The following ABCA7 variants were observed in gnomAD, a reference collection of about 807,000 sequenced individuals.
ABCA7 encodes phospholipid-transporting ATPase ABCA7.
ABCA7 carries 261 observed loss-of-function variants against 227.6 expected under a neutral mutation model. The observed-to-expected ratio is 1.15, with a 90% CI of 1.04 to 1.27. ABCA7 has a LOEUF of 1.27. Among genes scored for constraint, ABCA7 ranks in the 50% most tolerant of loss-of-function variants. The pLI is 0.00. For synonymous variants in ABCA7, 1,488 were observed against 1,279.7 expected, an observed-to-expected ratio of 1.16 and a Z score of -3.47; for missense variants, 3,331 against 2,924.5, an observed-to-expected ratio of 1.14 and a Z score of -3.21.
At position 1,052,279 on chromosome 19, in the gene ABCA7, C is replaced by T. The variant is rs757222989; in HGVS notation, c.3213C>T (p.Ser1071=). ...RQEKKNGSQG[S]RVGTPQLLAL... is the part of the protein sequence containing the mutation. ...AAAAGAAGAATGGCAGCCAGGGCAG[C>T]AGAGTCGGTGAGGGCCGGGGTGGGA... is the stretch of plus-strand genomic sequence containing the variant. The change falls in exon 23 of 47, where the codon AGC becomes AGT. Residue 1071 remains serine, a synonymous_variant. Coordinates refer to ENST00000263094, the MANE Select transcript of ABCA7 (RefSeq NM_019112.4). 9.8e-6 allele frequency: 15 copies of T among 1,535,808 alleles called. No homozygotes were observed. The South Asian group carries it at 1.3e-4, about 14-fold the overall frequency.
chr19:1,042,298 G>C lies in ABCA7; in HGVS notation c.416-17G>C, dbSNP rs760814675. 6.4e-7 allele frequency: 1 copy of C among 1,574,466 alleles called. No homozygotes were observed. The highest frequency in any genetic ancestry group is 1.2e-5 in the South Asian group (1 of 86,134). On this transcript the variant is annotated splice_polypyrimidine_tract_variant and intron_variant, in intron 5 of 46. Coordinates refer to ENST00000263094, the MANE Select transcript of ABCA7 (RefSeq NM_019112.4). ...AACGTCCCCCCAGCCCCATGCTCCC[G>C]TGCGCTCCTCCCCCAGCCCAGCCTC...
rs771494956 is a variant in ABCA7, at chr19:1,043,053, C to T, written c.592C>T (p.Arg198Cys). Residue 198 changes from arginine (R) to cysteine (C), a missense_variant, in exon 8 of 47, where the codon CGC becomes TGC. Physicochemically the swap from Arg to Cys is radical, Grantham distance 180. Transcript: ENST00000263094. ...AACCTCTCTCTAGCTCCTGGCGCTG[C>T]GCAGCCTGGTGGAGCTTCGGGCACT... is the stretch of plus-strand genomic sequence containing the variant. The part of the protein sequence containing the change: ...EDLAQELLAL[R>C]SLVELRALLQ... 4.7e-5 allele frequency: 76 copies of T among 1,604,246 alleles called. No homozygotes were observed. In the Admixed American group the frequency reaches 6.4e-4, roughly 13 times the overall value.
At chr19:1,064,044 G>A (rs1568430254) in intron 44 of ABCA7, 117 bp from the exon 45 acceptor site, 2 of 1,343,318 alleles carry the variant, frequency 1.5e-6, no homozygotes, top group South Asian at 2.9e-5. Flanking sequence ...ACGGTCTGGG[G>A]AAGAGTGGGG....
At chr19:1,064,594 G>A (rs185598371) in intron 45 of ABCA7, 2 of 488,866 alleles carry the variant, frequency 4.1e-6, no homozygotes, top group East Asian at 7.1e-5. Flanking sequence ...AAAGTGGGGC[G>A]GGGGTATTTA....
Position 1,063,540 on chromosome 19 carries a change from A to G in ABCA7, c.5713-4A>G, listed in dbSNP as rs986494072. ...CCCATGCCTACTCTGGCCCCACCCC[A>G]CAGACCGCTGGCTCGGGCCTGGCGC... On this transcript the variant is annotated splice_polypyrimidine_tract_variant and splice_region_variant and intron_variant, in intron 42 of 46. Coordinates refer to ENST00000263094, the MANE Select transcript of ABCA7 (RefSeq NM_019112.4). 27 of 1,609,840 alleles carry G rather than the reference A, an allele frequency of 1.7e-5. No individual in the cohort carries two copies. Among genetic ancestry groups the G allele is most frequent in the South Asian group, 1.1e-5 (1 of 91,056 alleles).
intron 40 of ABCA7, among the ~76,000 whole-genome samples, chr19:1,061,327 G>A (rs182827052): frequency 6.6e-6 from 1 of 150,760 alleles, no homozygotes; most frequent in Non-Finnish European, 1.5e-5. Flanking sequence ...AACCCAGGAG[G>A]TGGAGGTTGC....
intron 20 of ABCA7, 67 bp downstream of exon 20, chr19:1,051,361 G>A: frequency 1.9e-6 from 3 of 1,587,902 alleles, no homozygotes; most frequent in Non-Finnish European, 2.6e-6. Context: ...GAAGGCAGGG[G>A]GAAGCCGGGT....
chr19:1,043,767 C>T lies in ABCA7; in HGVS notation c.973C>T (p.Arg325Trp), dbSNP rs141983399. 1.3e-5 allele frequency: 21 copies of T among 1,612,782 alleles called. No homozygotes were observed. Among genetic ancestry groups the T allele is most frequent in the South Asian group, 1.1e-4 (10 of 91,068 alleles). The change falls in exon 10 of 47, where the codon CGG (arginine) becomes TGG (tryptophan). Residue 325 changes from arginine (R) to tryptophan (W), a missense_variant. Coordinates refer to ENST00000263094, the MANE Select transcript of ABCA7 (RefSeq NM_019112.4). Reference protein sequence around the residue: ...FEELTLLRDVREVWEMLGPRI... With the variant: ...FEELTLLRDVWEVWEMLGPRI... ...GGAGCTCACCCTGCTGAGGGATGTC[C>T]GGGAGGTGTGGGAGATGCTGGGACC...
In ABCA7 at chr19:1,053,314, C is replaced by T. The variant is rs1354003193; in HGVS notation, c.3221-15C>T. On this transcript the variant is annotated splice_polypyrimidine_tract_variant and intron_variant, in intron 23 of 46. Coordinates refer to ENST00000263094, the MANE Select transcript of ABCA7 (RefSeq NM_019112.4). ...GTGAGCCGGGGCTCCCTGAAGCACC[C>T]CTTTGTCCACACAGGCACTCCTCAG... is the stretch of plus-strand genomic sequence containing the variant. The T allele has an allele frequency of 1.2e-6, 2 of 1,604,770 alleles. No individual in the cohort carries two copies. The highest frequency in any genetic ancestry group is 2.7e-5 in the African/African-American group (2 of 74,778).
intron 12 of ABCA7, 113 bp from the exon 13 acceptor site, chr19:1,046,117 C>T: frequency 8.0e-7 from 1 of 1,244,364 alleles, no homozygotes; most frequent in East Asian, 2.4e-5. Context: ...TGCAGCTCTT[C>T]ACTCCAGCCT....
At chr19:1,041,727 G>C in intron 3 of ABCA7, 104 bp from the exon 4 acceptor site, 3 of 1,584,006 alleles carry the variant, frequency 1.9e-6, no homozygotes. Flanking sequence ...TGGCATGGGA[G>C]TGAGCTCTCC....
chr19:1,049,937 C>T (rs1234764555), intron 18 of ABCA7, among the ~76,000 whole-genome samples: 1 of 75,536 alleles, frequency 1.3e-5, no homozygotes, highest in Admixed American at 1.2e-4. Context: ...TCCCCCACCA[C>T]TCCCTCCCTG....
intron 1 of ABCA7, among the ~76,000 whole-genome samples, chr19:1,040,563 C>G (rs1203523977): frequency 6.6e-6 from 1 of 152,202 alleles, no homozygotes; most frequent in Non-Finnish European, 1.5e-5. Context: ...GCCTGGTCAC[C>G]TTTAGCAACT....
At chr19:1,049,033 G>T in intron 17 of ABCA7, 28 bp downstream of exon 17, 1 of 1,374,632 alleles carries the variant, frequency 7.3e-7, no homozygotes, top group Non-Finnish European at 1.0e-6. Context: ...TTAATAGCTG[G>T]TTGTCCACAT....
chr19:1,048,792 G>A (rs762409462), intron 16 of ABCA7, 103 bp from the exon 17 acceptor site: 79 of 610,084 alleles, frequency 1.3e-4, no homozygotes, highest in Non-Finnish European at 2.1e-4. Context: ...CTGGGCAACA[G>A]AGCAAGACTC....
intron 15 of ABCA7, 31 bp downstream of exon 15, chr19:1,047,409 C>T (rs879889484): frequency 2.6e-6 from 4 of 1,545,040 alleles, no homozygotes; most frequent in East Asian, 2.4e-5. Context: ...GGATGGGGGA[C>T]GCCCCCCGCT....
chr19:1,056,944 G>A lies in ABCA7; in HGVS notation c.4624G>A (p.Val1542Met). The A allele has an allele frequency of 6.2e-7, 1 of 1,614,038 alleles. No homozygotes were observed. The highest frequency in any genetic ancestry group is 8.5e-7 in the Non-Finnish European group (1 of 1,179,988). ...GGTGGACGTCCTCGTCTCCATCTGT[G>A]TGGTCTTTGCCATGTCCTTTGTCCC... is the stretch of plus-strand genomic sequence containing the variant. ...SSVDVLVSIC[V>M]VFAMSFVPAS... The change falls in exon 34 of 47, where the codon GTG (valine) becomes ATG (methionine). Residue 1542 changes from valine (V) to methionine (M), a missense_variant. Coordinates refer to ENST00000263094, the MANE Select transcript of ABCA7 (RefSeq NM_019112.4). The surrounding 1 kb of genome is among the most constrained non-coding windows in gnomAD (Gnocchi z 4.3).
chr19:1,052,296 GGGGTGGGAGACCCAAGGC>G lies in ABCA7; in HGVS notation c.3220+18_3220+35del. 7.8e-6 allele frequency: 12 copies of G among 1,536,810 alleles called. No individual in the cohort carries two copies. The highest frequency in any genetic ancestry group is 1.5e-5 in the African/African-American group (1 of 68,054). On this transcript the variant is annotated intron_variant, in intron 23 of 46. Transcript: ENST00000263094. ...CAGGGCAGCAGAGTCGGTGAGGGCC[GGGGTGGGAGACCCAAGGC>G]GGGTGGGCAGTGGGGTGGCTGTGCC... is the stretch of plus-strand genomic sequence containing the variant.
chr19:1,056,087 G>C lies in ABCA7; in HGVS notation c.4260G>C (p.Gly1420=). Residue 1420 remains glycine, a synonymous_variant, in exon 32 of 47, where the codon GGG becomes GGC. Transcript: ENST00000263094. The surrounding 1 kb of genome is among the most constrained non-coding windows in gnomAD (Gnocchi z 4.3). ...ACAGATACGGAGGCTTCTCGCTGGG[G>C]GGCCGAGACCCAGGCCTGCCCTCGG... The part of the protein sequence containing the change: ...NEVRYGGFSL[G]GRDPGLPSGQ... 1 of 1,597,756 alleles carries C rather than the reference G, an allele frequency of 6.3e-7. No individual in the cohort carries two copies. Among genetic ancestry groups the C allele is most frequent in the Non-Finnish European group, 8.5e-7 (1 of 1,170,842 alleles).
Sources: allele counts gnomAD v4.1 joint callset (sites outside exome capture counted in the v4.1 genomes callset), GRCh38; gene constraint gnomAD v4.1.1; non-coding constraint Gnocchi (gnomAD v3.1); transcripts MANE v1.5; gene names NCBI Gene and HGNC (gene_info 2026-07-23, HGNC 2026-07-21).